The following XRN1 variants were observed in gnomAD, a reference collection of about 807,000 sequenced individuals.
XRN1 encodes the protein strand-exchange protein 1 homolog.
In XRN1, 67 loss-of-function variants were observed where a neutral mutation model predicts 222.3. The observed-to-expected ratio is 0.30, with a 90% CI of 0.25 to 0.37. The LOEUF is 0.37. XRN1 is among the 10% of genes least tolerant of loss of function. The pLI is 1.00. For missense variants in XRN1, 1,707 were observed against 2,000.2 expected, an observed-to-expected ratio of 0.85 and a Z score of 2.80; for synonymous variants, 643 against 652.4, an observed-to-expected ratio of 0.99 and a Z score of 0.22.
intron 1 of XRN1, among the ~76,000 whole-genome samples, chr3:142,438,504 T>C (rs1053654657): frequency 1.3e-5 from 2 of 152,118 alleles, no homozygotes; most frequent in African/African-American, 4.8e-5. Flanking sequence ...TACAGGACGC[T>C]CTAGGACTAA....
chr3:142,382,647 C>G (rs1216165827), intron 22 of XRN1, among the ~76,000 whole-genome samples: 1 of 152,070 alleles, frequency 6.6e-6, no homozygotes, highest in Non-Finnish European at 1.5e-5. Context: ...CTGAGAAGCC[C>G]TGTTCCTTTT....
At chr3:142,404,877 T>C in intron 16 of XRN1, 30 bp downstream of exon 16, 5 of 1,612,366 alleles carry the variant, frequency 3.1e-6, no homozygotes, top group Non-Finnish European at 4.2e-6. Context: ...AGCGCTCTTT[T>C]GTTGTTGAAA....
At chr3:142,390,227 A>C (rs1038478935) in intron 20 of XRN1, among the ~76,000 whole-genome samples, 5 of 152,196 alleles carry the variant, frequency 3.3e-5, no homozygotes, top group African/African-American at 1.2e-4. Context: ...TTTCCCTAAC[A>C]AGAGAGTTAA....
In XRN1 at chr3:142,329,422, A is replaced by C; in HGVS notation, c.4404+12T>G. ...AAATAATTTATATAAATAGAACAGTAGTATACTATACCTGTGGCATCCTAA... is the reference window on the plus strand; with the variant it reads ...AAATAATTTATATAAATAGAACAGTCGTATACTATACCTGTGGCATCCTAA... On this transcript the variant is annotated intron_variant, in intron 37 of 40. Transcript: ENST00000392981. 1.3e-6 allele frequency: 2 copies of C among 1,513,858 alleles called. No individual in the cohort carries two copies. The highest frequency in any genetic ancestry group is 2.7e-5 in the South Asian group (2 of 75,300). 93.8% of individuals were successfully genotyped at this position (1,513,858 alleles called of 1,614,324 possible).
chr3:142,392,383 T>C (rs1045408334), intron 20 of XRN1, among the ~76,000 whole-genome samples: 2 of 152,120 alleles, frequency 1.3e-5, no homozygotes, highest in African/African-American at 4.8e-5. Flanking sequence ...ATTGTGCAGG[T>C]TAGTTACATA....
intron 37 of XRN1, among the ~76,000 whole-genome samples, chr3:142,320,777 A>C (rs1235522245): frequency 6.6e-6 from 1 of 152,084 alleles, no homozygotes; most frequent in African/African-American, 2.4e-5. Context: ...CTCTTATTCT[A>C]TGAGTTACCT....
At chr3:142,343,959 T>A (rs530262289) in intron 33 of XRN1, among the ~76,000 whole-genome samples, 2 of 152,240 alleles carry the variant, frequency 1.3e-5, no homozygotes, top group East Asian at 3.9e-4. Flanking sequence ...CTGGAGATCA[T>A]ATGTTAGGTG....
chr3:142,418,192 TG>T (rs1306262333), intron 12 of XRN1: 1 of 246,690 alleles, frequency 4.1e-6, no homozygotes, highest in Non-Finnish European at 7.6e-6. Flanking sequence ...GAAGAAGCAG[TG>T]GCCAATTATG....
At chr3:142,371,954 G>C (rs2067003352) in intron 25 of XRN1, among the ~76,000 whole-genome samples, 1 of 152,128 alleles carries the variant, frequency 6.6e-6, no homozygotes, top group African/African-American at 2.4e-5. Context: ...TGACAGACAG[G>C]AATAAGTTGA....
intron 34 of XRN1, among the ~76,000 whole-genome samples, chr3:142,334,802 A>ACAC (rs397771450): frequency 6.5e-5 from 9 of 138,912 alleles, no homozygotes; most frequent in South Asian, 4.4e-4. Context: ...ACACACACAC[A>ACAC]AAAGACCATA....
intron 18 of XRN1, among the ~76,000 whole-genome samples, chr3:142,401,662 C>T (rs1212648077): frequency 2.6e-5 from 4 of 151,964 alleles, no homozygotes; most frequent in Non-Finnish European, 5.9e-5. Flanking sequence ...TGCAGTGACC[C>T]AAGATAGCGC....
chr3:142,435,258 C>T (rs2069827749), intron 1 of XRN1: 1 of 151,946 alleles, frequency 6.6e-6, no homozygotes, highest in African/African-American at 2.4e-5. Context: ...ATTAGCTGGG[C>T]TTGGTGGCAG....
chr3:142,351,932 G>A (rs1386065012), intron 32 of XRN1, among the ~76,000 whole-genome samples: 1 of 148,842 alleles, frequency 6.7e-6, no homozygotes, highest in Non-Finnish European at 1.5e-5. Context: ...TCCCAGAATC[G>A]GCCTCACCTA....
chr3:142,431,739 C>T (rs1420724299), intron 2 of XRN1, among the ~76,000 whole-genome samples: 2 of 140,136 alleles, frequency 1.4e-5, no homozygotes. Flanking sequence ...ATCACTTGTG[C>T]CTGGGAGGCG....
Position 142,423,503 on chromosome 3 carries a change from A to C in XRN1, c.710+57T>G. On this transcript the variant is annotated intron_variant, in intron 6 of 40. Coordinates refer to ENST00000392981, the MANE Select transcript of XRN1 (RefSeq NM_001282857.2). The stretch of plus-strand genomic sequence containing the variant: ...AGTATTTACAAACATGTATCTGTTA[A>C]AGAATTACTATCCAGGCGTAATTTC... 2.1e-6 allele frequency: 3 copies of C among 1,410,290 alleles called. No homozygotes were observed. The South Asian group carries it at 4.1e-5, about 19-fold the overall frequency. 87.4% of individuals were successfully genotyped at this position (1,410,290 alleles called of 1,614,324 possible). A position where few individuals can be genotyped will look rare whatever the true frequency, so the allele number is the denominator to read the frequency against.
At position 142,332,491 on chromosome 3, in the gene XRN1, G is replaced by C. The variant is rs180863889; in HGVS notation, c.4106C>G (p.Ser1369Cys). 3.1e-6 allele frequency: 5 copies of C among 1,611,730 alleles called. No individual in the cohort carries two copies. The highest frequency in any genetic ancestry group is 1.7e-5 in the Admixed American group (1 of 59,394). The change falls in exon 36 of 41, where the codon TCT (serine) becomes TGT (cysteine). Residue 1369 changes from serine (S) to cysteine (C), a missense_variant. By Grantham distance (112) the Ser-to-Cys change is moderately radical. This residue lies in a region of XRN1 where 473 missense variants were observed against 482.0 expected (regional missense o/e 0.98). Transcript: ENST00000392981. ...TTCATTCTTATGGTCCACAGTGTTA[G>C]AGCCATCAATTTTTAGAATTTCTTT... ...MLKEILKIDGSNTVDHKNEIK... is the reference protein window; with the variant it reads ...MLKEILKIDGCNTVDHKNEIK...
rs2068878930 is a variant in XRN1, at chr3:142,418,612, G to A, written c.1241-3C>T. On this transcript the variant is annotated splice_polypyrimidine_tract_variant and splice_region_variant and intron_variant, in intron 11 of 40. Coordinates refer to ENST00000392981, the MANE Select transcript of XRN1 (RefSeq NM_001282857.2). ...TTCAGTCTCATCTTCTAAATTATCT[G>A]GGGAAAAAAGTCAGAAAGATAGTGA... 2 of 1,581,526 alleles carry A rather than the reference G, an allele frequency of 1.3e-6. No individual in the cohort carries two copies. Among genetic ancestry groups the A allele is most frequent in the Admixed American group, 1.9e-5 (1 of 52,494 alleles).
chr3:142,357,057 C>T lies in XRN1; in HGVS notation c.3527G>A (p.Ser1176Asn). 1 of 1,613,870 alleles carries T rather than the reference C, an allele frequency of 6.2e-7. No homozygotes were observed. The highest frequency in any genetic ancestry group is 8.5e-7 in the Non-Finnish European group (1 of 1,179,946). The change falls in exon 31 of 41, where the codon AGT becomes AAT. Residue 1176 changes from serine (S) to asparagine (N), a missense_variant. Physicochemically the swap from Ser to Asn is conservative, Grantham distance 46. Coordinates refer to ENST00000392981, the MANE Select transcript of XRN1 (RefSeq NM_001282857.2). ...TSALVNLSHG[S>N]RSETGNQKLT... ...CTTCTGATTTCCAGTTTCAGAGCGACTCCCATGAGAAAGGTTCACCAAGGC... is the reference window on the plus strand; with the variant it reads ...CTTCTGATTTCCAGTTTCAGAGCGATTCCCATGAGAAAGGTTCACCAAGGC...
chr3:142,411,000 T>C (rs757544301), intron 15 of XRN1, among the ~76,000 whole-genome samples: 1 of 152,226 alleles, frequency 6.6e-6, no homozygotes, highest in Non-Finnish European at 1.5e-5. Context: ...AATTCACAAG[T>C]GAAGACATCT....
Sources: allele counts gnomAD v4.1 joint callset (sites outside exome capture counted in the v4.1 genomes callset), GRCh38; gene constraint gnomAD v4.1.1; regional missense constraint gnomAD v4.1.1; transcripts MANE v1.5; gene names NCBI Gene and HGNC (gene_info 2026-07-23, HGNC 2026-07-21).